The following KCNJ15 variants were observed in gnomAD, a reference collection of about 807,000 sequenced individuals.
The protein encoded by KCNJ15 is potassium inwardly rectifying channel subfamily J member 15, also known as ATP-sensitive inward rectifier potassium channel 15.
KCNJ15 carries 14 observed loss-of-function variants against 23.0 expected under a neutral mutation model. The observed-to-expected ratio is 0.61, with a 90% CI of 0.40 to 0.95. The LOEUF is 0.95. Ranked by LOEUF, KCNJ15 falls within the 40% of genes least tolerant of loss-of-function variation. The probability of loss-of-function intolerance (pLI) is 0.00; values close to 1 mark genes in which losing one functional copy is unlikely to be tolerated. For synonymous variants in KCNJ15, 185 were observed against 183.2 expected (o/e 1.01, Z -0.08); for missense variants, 388 against 461.8 (o/e 0.84, Z 1.46).
At chr21:38,243,348 T>C (rs1321562157) in intron 1 of KCNJ15, among the ~76,000 whole-genome samples, 1 of 152,140 alleles carries the variant, frequency 6.6e-6, no homozygotes, top group Non-Finnish European at 1.5e-5. Flanking sequence ...TTTCAAAAGG[T>C]GTATTTTATA....
intron 1 of KCNJ15, among the ~76,000 whole-genome samples, chr21:38,277,579 G>A (rs973014439): frequency 2.0e-5 from 3 of 152,154 alleles, no homozygotes; most frequent in African/African-American, 4.8e-5. Flanking sequence ...TGGAGGATAC[G>A]GGTGATTCAC....
At chr21:38,283,768 G>T (rs1430949822) in intron 1 of KCNJ15, among the ~76,000 whole-genome samples, 2 of 152,174 alleles carry the variant, frequency 1.3e-5, no homozygotes, top group Non-Finnish European at 2.9e-5. Flanking sequence ...CACCATGCAG[G>T]AAGCTCTTCA....
At chr21:38,237,599 AG>A (rs894197302) in intron 1 of KCNJ15, among the ~76,000 whole-genome samples, 17 of 152,132 alleles carry the variant, frequency 1.1e-4, no homozygotes, top group Admixed American at 6.5e-4. Flanking sequence ...TGCAGGATGG[AG>A]GTGAGCGGGG....
At chr21:38,275,203 A>G (rs3804020) in intron 1 of KCNJ15, among the ~76,000 whole-genome samples, 9,543 of 152,198 alleles carry the variant, frequency 0.063, 796 homozygotes, top group African/African-American at 0.19. Context: ...GACAAATTCA[A>G]CAGCCTCCTA....
At position 38,288,018 on chromosome 21, in the gene KCNJ15, G is replaced by GCTTTTTTCTTTTTTTT. The variant is rs1984096468; in HGVS notation, c.-116-8908_-116-8907insCTTTTTTCTTTTTTTT. Among the ~76,000 whole-genome samples, 3 of 26,018 alleles carry GCTTTTTTCTTTTTTTT rather than the reference G, an allele frequency of 1.2e-4. No individual in the cohort carries two copies. The South Asian group carries it at 5.4e-3, about 47-fold the overall frequency. The allele number at this position is 26,018 out of a possible 152,430, so 17.1% of individuals were successfully genotyped here. ...CATTTGTCCCATTGTTAAATAACTT[G>GCTTTTTTCTTTTTTTT]TTTTTTTCTTTGTTTTTTTTTTTTT... On this transcript the variant is annotated intron_variant, in intron 1 of 2. Transcript: ENST00000398938.
chr21:38,231,405 G>T (rs1363325238), intron 1 of KCNJ15, among the ~76,000 whole-genome samples: 28 of 151,686 alleles, frequency 1.8e-4, no homozygotes, highest in Non-Finnish European at 3.0e-4. Flanking sequence ...TTTTCCTTAT[G>T]TTTTTGCAAT....
rs1263404704 is a variant in KCNJ15 at position 38,300,347 on chromosome 21, A to C, written c.1086A>C (p.Glu362Asp). 6.2e-7 allele frequency: 1 copy of C among 1,613,860 alleles called. No individual in the cohort carries two copies. Among genetic ancestry groups the C allele is most frequent in the African/African-American group, 1.3e-5 (1 of 74,930 alleles). Reference sequence around the variant, plus strand: ...AGTACAGGCAGGAGGATCAGAGGGAAAGAGAACTGAGGACACTTTTATTAC... The same window carrying C: ...AGTACAGGCAGGAGGATCAGAGGGACAGAGAACTGAGGACACTTTTATTAC... ...EEKYRQEDQRERELRTLLLQQ... is the reference protein window; with the variant it reads ...EEKYRQEDQRDRELRTLLLQQ... The change falls in exon 3 of 3, where the codon GAA becomes GAC. Residue 362 changes from glutamate (E) to aspartate (D), a missense_variant. Glu to Asp is a conservative substitution (Grantham distance 45, BLOSUM62 2). Transcript: ENST00000398938.
chr21:38,263,634 C>T (rs1198549256), intron 1 of KCNJ15, among the ~76,000 whole-genome samples: 4 of 152,190 alleles, frequency 2.6e-5, no homozygotes, highest in African/African-American at 9.7e-5. Flanking sequence ...TAACGTTTCA[C>T]ACAACCCCAC....
intron 1 of KCNJ15, among the ~76,000 whole-genome samples, chr21:38,290,390 A>C (rs779764209): frequency 2.6e-5 from 4 of 152,206 alleles, no homozygotes; most frequent in Non-Finnish European, 5.9e-5. Flanking sequence ...TTCAAACAAT[A>C]ATAATGGAAC....
upstream of KCNJ15, among the ~76,000 whole-genome samples, chr21:38,254,596 T>C (rs552768605): frequency 6.6e-6 from 1 of 152,286 alleles, no homozygotes; most frequent in South Asian, 2.1e-4. Flanking sequence ...AGAAGCTACA[T>C]ATGCATATGT....
chr21:38,264,705 G>A (rs746088779), intron 1 of KCNJ15, among the ~76,000 whole-genome samples: 1 of 152,200 alleles, frequency 6.6e-6, no homozygotes, highest in Non-Finnish European at 1.5e-5. Context: ...ATGGCTAACT[G>A]GTGTGTTCTC....
At chr21:38,252,839 G>A (rs1230153612), upstream of KCNJ15, among the ~76,000 whole-genome samples, 11 of 152,188 alleles carry the variant, frequency 7.2e-5, no homozygotes, top group Admixed American at 5.9e-4. Context: ...CCCTGTGAAT[G>A]TTCTGCACTG....
chr21:38,258,851 G>T (rs769441934), intron 1 of KCNJ15, among the ~76,000 whole-genome samples: 43 of 152,194 alleles, frequency 2.8e-4, no homozygotes, highest in Non-Finnish European at 5.1e-4. Context: ...CCAGTGTTTT[G>T]GGGGGAAAGA....
At chr21:38,245,666 AGAAAG>A (rs1979321219) in intron 1 of KCNJ15, among the ~76,000 whole-genome samples, 1 of 151,600 alleles carries the variant, frequency 6.6e-6, no homozygotes, top group African/African-American at 2.4e-5. Flanking sequence ...AAAGGAAAGA[AGAAAG>A]AAAGAAGGAA....
At chr21:38,291,779 C>A (rs997775312) in intron 1 of KCNJ15, 1 of 152,178 alleles carries the variant, frequency 6.6e-6, no homozygotes, top group African/African-American at 2.4e-5. Context: ...TTTTATCAAC[C>A]CCTCCAGGTG....
chr21:38,248,754 G>A (rs1164416468), intron 1 of KCNJ15, among the ~76,000 whole-genome samples: 1 of 152,186 alleles, frequency 6.6e-6, no homozygotes, highest in African/African-American at 2.4e-5. Flanking sequence ...TGAGTTTTCA[G>A]GCAAAACAGA....
intron 1 of KCNJ15, among the ~76,000 whole-genome samples, chr21:38,246,891 CT>C (rs1979409079): frequency 6.6e-6 from 1 of 152,346 alleles, no homozygotes; most frequent in Admixed American, 6.5e-5. Flanking sequence ...CACACTTGAA[CT>C]TAGCCCTTCT....
chr21:38,234,198 C>A (rs1037717415), intron 1 of KCNJ15, among the ~76,000 whole-genome samples: 9 of 152,224 alleles, frequency 5.9e-5, no homozygotes, highest in Non-Finnish European at 8.8e-5. Context: ...GGCCTGGGGA[C>A]CACATGTAGC....
chr21:38,271,221 G>A (rs764404085), intron 1 of KCNJ15, among the ~76,000 whole-genome samples: 1 of 152,242 alleles, frequency 6.6e-6, no homozygotes, highest in Non-Finnish European at 1.5e-5. Context: ...TTCATAGAAA[G>A]CTAAAACTTA....
Sources: allele counts gnomAD v4.1 joint callset (sites outside exome capture counted in the v4.1 genomes callset), GRCh38; gene constraint gnomAD v4.1.1; transcripts MANE v1.5; gene names NCBI Gene and HGNC (gene_info 2026-07-23, HGNC 2026-07-21).